GREB1L: variants seen among roughly 807,000 people sequenced by gnomAD.
GREB1L encodes GREB1-like protein.
In GREB1L, 17 loss-of-function variants were observed where a neutral mutation model predicts 200.8. That is an observed-to-expected ratio of 0.08 (90% CI 0.06 to 0.13). GREB1L has a LOEUF of 0.13. Among genes scored for constraint, GREB1L ranks in the 10% least tolerant of loss-of-function variants. The probability of loss-of-function intolerance (pLI) is 1.00; values close to 1 mark genes in which losing one functional copy is unlikely to be tolerated. For missense variants in GREB1L, 1,657 were observed against 2,367.7 expected (o/e 0.70, Z 6.23); for synonymous variants, 789 against 893.0 (o/e 0.88, Z 2.08).
intron 15 of GREB1L, among the ~76,000 whole-genome samples, chr18:21,471,485 T>C (rs1194787516): frequency 6.6e-6 from 1 of 152,214 alleles, no homozygotes; most frequent in African/African-American, 2.4e-5. Context: ...TTCTCCATCA[T>C]GAACTCCATG....
chr18:21,416,627 G>A (rs1353231078), intron 7 of GREB1L, among the ~76,000 whole-genome samples: 4 of 150,252 alleles, frequency 2.7e-5, no homozygotes, highest in Non-Finnish European at 5.9e-5. Flanking sequence ...CCGGGAGGCA[G>A]AGCTTGCAGT....
At chr18:21,287,095 A>G (rs940722164) in intron 1 of GREB1L, among the ~76,000 whole-genome samples, 3 of 152,188 alleles carry the variant, frequency 2.0e-5, no homozygotes, top group Admixed American at 2.0e-4. Context: ...TGTTAGTGCC[A>G]TGCCTTTTAA....
At chr18:21,380,130 A>G (rs1253975516) in intron 2 of GREB1L, among the ~76,000 whole-genome samples, 1 of 152,180 alleles carries the variant, frequency 6.6e-6, no homozygotes, top group Admixed American at 6.5e-5. Flanking sequence ...GGAATCTCTA[A>G]TAAAGCTTTG....
intron 1 of GREB1L, among the ~76,000 whole-genome samples, chr18:21,361,395 T>C (rs2039578026): frequency 6.6e-6 from 1 of 152,120 alleles, no homozygotes; most frequent in African/African-American, 2.4e-5. Flanking sequence ...CTGCATCTGA[T>C]TGGAAGGGGC....
chr18:21,378,703 A>T (rs2040179055), intron 2 of GREB1L, among the ~76,000 whole-genome samples: 1 of 151,800 alleles, frequency 6.6e-6, no homozygotes, highest in Admixed American at 6.6e-5. Flanking sequence ...ATGCCCTGTT[A>T]TGTTTTTATT....
chr18:21,333,253 T>A (rs1302787530), intron 1 of GREB1L, among the ~76,000 whole-genome samples: 2 of 152,216 alleles, frequency 1.3e-5, no homozygotes, highest in Non-Finnish European at 2.9e-5. Flanking sequence ...TTATTATAAC[T>A]GGGTTCATTT....
chr18:21,458,938 G>A (rs2034905170), intron 15 of GREB1L, among the ~76,000 whole-genome samples: 1 of 152,118 alleles, frequency 6.6e-6, no homozygotes, highest in African/African-American at 2.4e-5. Context: ...CCAAAGGCAA[G>A]CCCATTTCAG....
At chr18:21,423,708 A>G (rs540699957) in intron 7 of GREB1L, among the ~76,000 whole-genome samples, 1 of 152,226 alleles carries the variant, frequency 6.6e-6, no homozygotes, top group South Asian at 2.1e-4. Flanking sequence ...AAAAATACAA[A>G]TAAATTAGCT....
chr18:21,367,384 G>A (rs2039715487), intron 2 of GREB1L, among the ~76,000 whole-genome samples: 1 of 152,154 alleles, frequency 6.6e-6, no homozygotes, highest in Admixed American at 6.5e-5. Context: ...TATCATTTTA[G>A]TGTTTCTCTC....
intron 1 of GREB1L, among the ~76,000 whole-genome samples, chr18:21,258,662 G>A (rs2037840133): frequency 6.6e-6 from 1 of 152,136 alleles, no homozygotes; most frequent in South Asian, 2.1e-4. Flanking sequence ...ATGGTAATGA[G>A]GAAAAATAAA....
intron 1 of GREB1L, among the ~76,000 whole-genome samples, chr18:21,251,237 A>G (rs1336628946): frequency 6.6e-6 from 1 of 151,616 alleles, no homozygotes; most frequent in Non-Finnish European, 1.5e-5. Context: ...CTTTCTTTTC[A>G]CTCCAACAAT....
intron 4 of GREB1L, among the ~76,000 whole-genome samples, chr18:21,388,390 T>C (rs1200684941): frequency 1.3e-5 from 2 of 152,112 alleles, no homozygotes; most frequent in African/African-American, 4.8e-5. Context: ...TGAACCAATA[T>C]TGATACATTT....
At chr18:21,342,329 T>TTGTTC (rs1215258008) in intron 1 of GREB1L, among the ~76,000 whole-genome samples, 1 of 152,210 alleles carries the variant, frequency 6.6e-6, no homozygotes, top group Non-Finnish European at 1.5e-5. Context: ...AGAACCATCC[T>TTGTTC]TAGGTCCTTG....
At chr18:21,337,890 G>A (rs1382284280) in intron 1 of GREB1L, among the ~76,000 whole-genome samples, 1 of 152,006 alleles carries the variant, frequency 6.6e-6, no homozygotes, top group Admixed American at 6.6e-5. Context: ...GGGAGGCTGA[G>A]GCAGGAGAAT....
intron 15 of GREB1L, among the ~76,000 whole-genome samples, chr18:21,461,700 C>T (rs1297525851): frequency 6.6e-6 from 1 of 152,178 alleles, no homozygotes; most frequent in Non-Finnish European, 1.5e-5. Context: ...CCCTGGCACT[C>T]AACACACTGT....
chr18:21,353,941 A>G (rs2039469630), intron 1 of GREB1L, among the ~76,000 whole-genome samples: 1 of 152,014 alleles, frequency 6.6e-6, no homozygotes, highest in African/African-American at 2.4e-5. Flanking sequence ...GCATACCACC[A>G]CACTCAGATA....
intron 1 of GREB1L, among the ~76,000 whole-genome samples, chr18:21,270,332 A>G (rs2144266074): frequency 6.6e-6 from 1 of 152,338 alleles, no homozygotes; most frequent in African/African-American, 2.4e-5. Context: ...ATGTAGAGGC[A>G]GAAAAACATG....
chr18:21,409,206 A>G (rs559950885), intron 7 of GREB1L, among the ~76,000 whole-genome samples: 1 of 152,358 alleles, frequency 6.6e-6, no homozygotes, highest in Admixed American at 6.5e-5. Context: ...ACAAGAAACA[A>G]ACTGTCGACA....
At chr18:21,258,751 T>C (rs955588476) in intron 1 of GREB1L, among the ~76,000 whole-genome samples, 2 of 152,180 alleles carry the variant, frequency 1.3e-5, no homozygotes, top group African/African-American at 4.8e-5. Flanking sequence ...AAAATGATGA[T>C]GTGTTTATAA....
Sources: allele counts gnomAD v4.1 joint callset (sites outside exome capture counted in the v4.1 genomes callset), GRCh38; gene constraint gnomAD v4.1.1; transcripts MANE v1.5; gene names NCBI Gene and HGNC (gene_info 2026-07-23, HGNC 2026-07-21).